The following CSGALNACT1 variants were observed in gnomAD, a reference collection of about 807,000 sequenced individuals.
The protein encoded by CSGALNACT1 is beta4GalNAcT-1.
A neutral mutation model predicts 51.0 loss-of-function variants in CSGALNACT1; 52 were observed. That is an observed-to-expected ratio of 1.02 (90% CI 0.82 to 1.29). The LOEUF (loss-of-function observed/expected upper bound fraction) is 1.29. Among genes scored for constraint, CSGALNACT1 ranks in the 50% most tolerant of loss-of-function variants. The probability of loss-of-function intolerance (pLI) is 0.00; values close to 1 mark genes in which losing one functional copy is unlikely to be tolerated. For synonymous variants in CSGALNACT1, 341 were observed against 254.4 expected, an observed-to-expected ratio of 1.34 and a Z score of -3.24; for missense variants, 935 against 679.2, an observed-to-expected ratio of 1.38 and a Z score of -4.19.
chr8:19,682,952 C>T (rs1763568847), upstream of CSGALNACT1: 1 of 309,544 alleles, frequency 3.2e-6, no homozygotes, highest in East Asian at 8.1e-5. Context: ...CGCTAGTTCA[C>T]TTCGCTGCAG....
chr8:19,415,355 T>A (rs749849703), intron 8 of CSGALNACT1, among the ~76,000 whole-genome samples: 1 of 152,196 alleles, frequency 6.6e-6, no homozygotes. Flanking sequence ...GTCCTTCATC[T>A]CAAGGAGAAG....
At chr8:19,502,435 T>C (rs2076578581) in intron 4 of CSGALNACT1, among the ~76,000 whole-genome samples, 1 of 152,222 alleles carries the variant, frequency 6.6e-6, no homozygotes, top group South Asian at 2.1e-4. Context: ...CTCTCACAAT[T>C]AGCCTGAAGT....
chr8:19,675,825 C>T (rs1201237809), intron 1 of CSGALNACT1, among the ~76,000 whole-genome samples: 2 of 152,058 alleles, frequency 1.3e-5, no homozygotes, highest in Non-Finnish European at 2.9e-5. Context: ...CCACTCTGCC[C>T]AAGGTCTCAG....
At chr8:19,669,634 G>GTT (rs1278778905) in intron 1 of CSGALNACT1, among the ~76,000 whole-genome samples, 1 of 151,186 alleles carries the variant, frequency 6.6e-6, no homozygotes, top group African/African-American at 2.5e-5. Flanking sequence ...TTGTTTGTTT[G>GTT]TTTTTGTTTT....
At chr8:19,733,737 G>C (rs1427404327) in intron 1 of CSGALNACT1, among the ~76,000 whole-genome samples, 1 of 152,224 alleles carries the variant, frequency 6.6e-6, no homozygotes, top group Admixed American at 6.5e-5. Context: ...TCCCAAGGCA[G>C]ACTAGCTAAG....
In CSGALNACT1 at chr8:19,752,102, TATTA is replaced by T. The variant is rs1479249812; in HGVS notation, c.-297+5744_-297+5747del. Reference sequence around the variant, plus strand: ...GATGATGATGATAAATGATATACATTATTATATTATATATAATATAAAATGTTAT... The same window carrying T: ...GATGATGATGATAAATGATATACATTTATTATATATAATATAAAATGTTAT... On this transcript the variant is annotated intron_variant, in intron 1 of 1. Coordinates refer to the CSGALNACT1 transcript ENST00000517494. Among the ~76,000 whole-genome samples the T allele has an allele frequency of 4.5e-5, 4 of 88,758 alleles. No individual in the cohort carries two copies. The Admixed American group carries it at 4.6e-4, about 10-fold the overall frequency. 58.2% of individuals were successfully genotyped at this position (88,758 alleles called of 152,430 possible).
intron 4 of CSGALNACT1, among the ~76,000 whole-genome samples, chr8:19,476,085 C>G (rs1323018711): frequency 6.6e-6 from 1 of 152,178 alleles, no homozygotes; most frequent in Non-Finnish European, 1.5e-5. Flanking sequence ...TATCCTATGA[C>G]TGAGGTTGTA....
intron 3 of CSGALNACT1, among the ~76,000 whole-genome samples, chr8:19,518,452 G>C (rs1361976853): frequency 6.6e-6 from 1 of 152,034 alleles, no homozygotes. Context: ...TATTAGGGTG[G>C]GGTGACCAAC....
intron 3 of CSGALNACT1, among the ~76,000 whole-genome samples, chr8:19,554,104 T>C (rs954623416): frequency 3.3e-5 from 5 of 151,708 alleles, no homozygotes; most frequent in East Asian, 1.9e-4. Flanking sequence ...AGAGAACGAA[T>C]GAAAAAACAA....
intron 3 of CSGALNACT1, among the ~76,000 whole-genome samples, chr8:19,516,786 T>C (rs1333820561): frequency 2.6e-5 from 4 of 152,222 alleles, no homozygotes; most frequent in African/African-American, 4.8e-5. Context: ...GCCCTTAGGC[T>C]TCCATGATGG....
chr8:19,605,763 GA>G (rs1225799389), upstream of CSGALNACT1, among the ~76,000 whole-genome samples: 1 of 152,176 alleles, frequency 6.6e-6, no homozygotes, highest in Non-Finnish European at 1.5e-5. Context: ...GAGTTTGGCA[GA>G]CATCAATTAG....
At chr8:19,587,324 C>T (rs2046869982) in intron 3 of CSGALNACT1, among the ~76,000 whole-genome samples, 1 of 152,180 alleles carries the variant, frequency 6.6e-6, no homozygotes, top group Non-Finnish European at 1.5e-5. Context: ...TGGTAGTGAG[C>T]TGTAAGCAAA....
At chr8:19,570,308 C>G (rs1439058812) in intron 3 of CSGALNACT1, among the ~76,000 whole-genome samples, 4 of 152,096 alleles carry the variant, frequency 2.6e-5, no homozygotes, top group Non-Finnish European at 5.9e-5. Flanking sequence ...AGCCAATTTT[C>G]TTTAAGCATA....
At chr8:19,562,663 A>G (rs915054064) in intron 3 of CSGALNACT1, among the ~76,000 whole-genome samples, 14 of 152,214 alleles carry the variant, frequency 9.2e-5, no homozygotes, top group African/African-American at 3.4e-4. Context: ...AAAGAAGACA[A>G]GAAACATATG....
intron 4 of CSGALNACT1, among the ~76,000 whole-genome samples, chr8:19,483,323 A>T (rs532824760): frequency 3.5e-4 from 53 of 152,378 alleles, no homozygotes; most frequent in Admixed American, 7.8e-4. Context: ...GCCCAAAGGC[A>T]TGTGAAGTTA....
chr8:19,579,096 G>T (rs2044972006), intron 3 of CSGALNACT1, among the ~76,000 whole-genome samples: 2 of 152,126 alleles, frequency 1.3e-5, no homozygotes, highest in African/African-American at 4.8e-5. Context: ...ACCACACCCA[G>T]TCCAGAGTGA....
intron 1 of CSGALNACT1, among the ~76,000 whole-genome samples, chr8:19,661,241 C>T (rs925520570): frequency 1.3e-5 from 2 of 152,096 alleles, no homozygotes; most frequent in Non-Finnish European, 2.9e-5. Context: ...CACCCAGGAG[C>T]CACAAGGCCT....
intron 3 of CSGALNACT1, among the ~76,000 whole-genome samples, chr8:19,583,405 GT>G (rs1488584982): frequency 1.3e-5 from 2 of 152,194 alleles, no homozygotes; most frequent in Middle Eastern, 6.8e-3. Flanking sequence ...AACTCCCTCA[GT>G]TTTTGTTTAT....
chr8:19,714,754 A>ATTTTTT (rs34963187), intron 1 of CSGALNACT1, among the ~76,000 whole-genome samples: 2 of 145,854 alleles, frequency 1.4e-5, no homozygotes, highest in Non-Finnish European at 3.0e-5. Context: ...CTCCTGGGAT[A>ATTTTTT]TTTTTTTTTT....
Sources: allele counts gnomAD v4.1 joint callset (sites outside exome capture counted in the v4.1 genomes callset), GRCh38; gene constraint gnomAD v4.1.1; transcripts MANE v1.5; gene names NCBI Gene and HGNC (gene_info 2026-07-23, HGNC 2026-07-21).